CD1B: variants seen among roughly 807,000 people sequenced by gnomAD.
The protein encoded by CD1B is CD1b molecule.
In CD1B, 43 loss-of-function variants were observed where a neutral mutation model predicts 39.8. The observed-to-expected ratio is 1.08, with a 90% CI of 0.85 to 1.39. The LOEUF is 1.39. Among genes scored for constraint, CD1B ranks in the 40% most tolerant of loss-of-function variants. The pLI is 0.00. For synonymous variants in CD1B, 192 were observed against 152.5 expected (o/e 1.26, Z -1.91); for missense variants, 495 against 403.8 (o/e 1.23, Z -1.94).
chr1:158,302,484 TAAAC>T, the CD1B span, among the ~76,000 whole-genome samples: 1 of 151,034 alleles, frequency 6.6e-6, no homozygotes, highest in East Asian at 1.9e-4. Flanking sequence ...ATATAGAAGA[TAAAC>T]AAAAAAATTG....
the CD1B span, among the ~76,000 whole-genome samples, chr1:158,288,884 C>T: frequency 6.6e-6 from 1 of 152,212 alleles, no homozygotes; most frequent in Non-Finnish European, 1.5e-5. Context: ...TTAAATCAAA[C>T]ATTGACAAAT....
the CD1B span, among the ~76,000 whole-genome samples, chr1:158,311,837 T>G: frequency 2.0e-5 from 3 of 152,188 alleles, no homozygotes; most frequent in Non-Finnish European, 4.4e-5. Flanking sequence ...GGTTATATAT[T>G]CTGTTCCGCT....
At chr1:158,327,529 CACTTA>C (rs1202756390), downstream of CD1B, among the ~76,000 whole-genome samples, 24 of 152,130 alleles carry the variant, frequency 1.6e-4, no homozygotes, top group East Asian at 4.6e-3. Flanking sequence ...TGAAAGAAAA[CACTTA>C]ACTTGGCAGT....
At chr1:158,301,637 G>A in the CD1B span, among the ~76,000 whole-genome samples, 12 of 152,184 alleles carry the variant, frequency 7.9e-5, no homozygotes, top group Non-Finnish European at 7.3e-5. Context: ...CTGGCTGGTA[G>A]TGTTTCTGCA....
the CD1B span, among the ~76,000 whole-genome samples, chr1:158,294,801 C>T: frequency 6.6e-6 from 1 of 152,304 alleles, no homozygotes; most frequent in Admixed American, 6.5e-5. Context: ...TTCAGTTTAG[C>T]ATATGGTTGT....
the CD1B span, among the ~76,000 whole-genome samples, chr1:158,309,192 A>C: frequency 6.6e-6 from 1 of 152,254 alleles, no homozygotes; most frequent in African/African-American, 2.4e-5. Context: ...GACACTTCTC[A>C]AAAGAAGACC....
In CD1B at chr1:158,330,862, A is replaced by G. The variant is rs1329081351; in HGVS notation, c.262T>C (p.Phe88Leu). The G allele has an allele frequency of 6.2e-7, 1 of 1,614,108 alleles. No individual in the cohort carries two copies. Residue 88 changes from phenylalanine to leucine, a missense_variant, in exon 2 of 6, where the codon TTC becomes CTC. By Grantham distance (22) the Phe-to-Leu change is conservative. Transcript: ENST00000368168. Reference sequence around the variant, plus strand: ...GCGAATCCAAAGATGTAGACTCGGAATATCTCCTCTAACTCAGCAACCTCC... The same window carrying G: ...GCGAATCCAAAGATGTAGACTCGGAGTATCTCCTCTAACTCAGCAACCTCC... ...DKEVAELEEI[F>L]RVYIFGFARE...
At chr1:158,322,786 G>A in the CD1B span, among the ~76,000 whole-genome samples, 8 of 152,066 alleles carry the variant, frequency 5.3e-5, no homozygotes, top group African/African-American at 1.7e-4. Context: ...TTCTTGGTTG[G>A]CATTCTTTTT....
the CD1B span, chr1:158,290,047 G>C: frequency 1.9e-6 from 3 of 1,613,098 alleles, no homozygotes; most frequent in Non-Finnish European, 2.5e-6. Flanking sequence ...CTGAGAGAAA[G>C]AAACATCTGC....
chr1:158,314,095 T>C, the CD1B span, among the ~76,000 whole-genome samples: 1 of 152,180 alleles, frequency 6.6e-6, no homozygotes, highest in South Asian at 2.1e-4. Flanking sequence ...GTTTTGTTTT[T>C]GATTTTTGAG....
the CD1B span, among the ~76,000 whole-genome samples, chr1:158,321,608 C>T: frequency 6.6e-6 from 1 of 152,054 alleles, no homozygotes; most frequent in African/African-American, 2.4e-5. Context: ...TTGCTATATC[C>T]TTTTGTGGTT....
the CD1B span, among the ~76,000 whole-genome samples, chr1:158,319,948 G>T: frequency 3.7e-3 from 557 of 152,228 alleles, 1 homozygote; most frequent in Non-Finnish European, 6.3e-3. Flanking sequence ...GCCCCTGCTG[G>T]GGGGTGCCTC....
chr1:158,307,896 C>T, the CD1B span, among the ~76,000 whole-genome samples: 3 of 152,130 alleles, frequency 2.0e-5, no homozygotes, highest in Admixed American at 1.3e-4. Context: ...TGGGCAAAAC[C>T]TGGAAGCATT....
chr1:158,322,170 TA>T, the CD1B span, among the ~76,000 whole-genome samples: 1 of 152,212 alleles, frequency 6.6e-6, no homozygotes, highest in Non-Finnish European at 1.5e-5. Flanking sequence ...GTATTCATAC[TA>T]AAGTTATAAG....
chr1:158,321,242 G>C, the CD1B span, among the ~76,000 whole-genome samples: 6 of 152,036 alleles, frequency 3.9e-5, no homozygotes, highest in Non-Finnish European at 8.8e-5. Flanking sequence ...ATTTACCCCT[G>C]TATCAGTTTT....
chr1:158,295,188 A>G, the CD1B span, among the ~76,000 whole-genome samples: 2 of 152,272 alleles, frequency 1.3e-5, no homozygotes, highest in African/African-American at 4.8e-5. Context: ...TCCCACCAAG[A>G]GACAAGACCA....
the CD1B span, among the ~76,000 whole-genome samples, chr1:158,320,286 A>T: frequency 6.6e-6 from 1 of 152,092 alleles, no homozygotes; most frequent in African/African-American, 2.4e-5. Context: ...TTGATCTCAG[A>T]CTGCGGTGCT....
At chr1:158,301,835 T>A in the CD1B span, among the ~76,000 whole-genome samples, 1 of 152,214 alleles carries the variant, frequency 6.6e-6, no homozygotes, top group Non-Finnish European at 1.5e-5. Context: ...TTGGCCTGCC[T>A]TGCTAGGTTG....
the CD1B span, among the ~76,000 whole-genome samples, chr1:158,320,983 A>G: frequency 1.7e-3 from 266 of 152,332 alleles, 2 homozygotes; most frequent in African/African-American, 5.8e-3. Context: ...ATATTCTGCA[A>G]CTACTGGATA....
Sources: allele counts gnomAD v4.1 joint callset (sites outside exome capture counted in the v4.1 genomes callset), GRCh38; gene constraint gnomAD v4.1.1; transcripts MANE v1.5; gene names NCBI Gene and HGNC (gene_info 2026-07-23, HGNC 2026-07-21).